LRRC4C: variants seen among roughly 807,000 people sequenced by gnomAD.
LRRC4C encodes the protein leucine-rich repeat-containing protein 4C.
In LRRC4C, 5 loss-of-function variants were observed where a neutral mutation model predicts 33.6. That is an observed-to-expected ratio of 0.15 (90% CI 0.08 to 0.31). LRRC4C has a LOEUF of 0.31. Among genes scored for constraint, LRRC4C ranks in the 10% least tolerant of loss-of-function variants. The pLI, the probability that LRRC4C is intolerant of heterozygous loss-of-function variation, is 1.00. For synonymous variants in LRRC4C, 329 were observed against 302.0 expected, an observed-to-expected ratio of 1.09 and a Z score of -0.93; for missense variants, 560 against 796.7, an observed-to-expected ratio of 0.70 and a Z score of 3.58.
rs1958291772 is a variant in LRRC4C at position 40,578,140 on chromosome 11, GGTTTTTTTTT to G, written c.-270+69992_-270+70001del. Among the ~76,000 whole-genome samples, 21 of 40,574 alleles carry G rather than the reference GGTTTTTTTTT, an allele frequency of 5.2e-4. 3 individuals are homozygous for G. Among genetic ancestry groups the G allele is most frequent in the Admixed American group, 9.6e-4 (3 of 3,122 alleles). 26.6% of individuals were successfully genotyped at this position (40,574 alleles called of 152,430 possible). A position where few individuals can be genotyped will look rare whatever the true frequency, so the allele number is the denominator to read the frequency against. On this transcript the variant is annotated intron_variant, in intron 3 of 6. Coordinates refer to ENST00000528697, the MANE Select transcript of LRRC4C (RefSeq NM_001258419.2). Reference sequence around the variant, plus strand: ...TGATATTATTGGACTTTTTTTTTTCGGTTTTTTTTTTTTTTTTTTTTTTTTTTTTTGCCTC... The same window carrying G: ...TGATATTATTGGACTTTTTTTTTTCGTTTTTTTTTTTTTTTTTTTTGCCTC...
rs1956286238 is a variant in LRRC4C, at chr11:40,531,888, A to C, written c.-270+116254T>G. Among the ~76,000 whole-genome samples the C allele has an allele frequency of 2.0e-5, 3 of 151,356 alleles. No homozygotes were observed. The Admixed American group carries it at 2.0e-4, about 10-fold the overall frequency. On this transcript the variant is annotated intron_variant, in intron 3 of 6. Coordinates refer to ENST00000528697, the MANE Select transcript of LRRC4C (RefSeq NM_001258419.2). The stretch of plus-strand genomic sequence containing the variant: ...GGGCTGAGATCATGAAAGGTCTGGA[A>C]TAACATGGTTAAGCTTTTGATTTTA...
At chr11:41,392,490 C>A (rs1953639514) in intron 1 of LRRC4C, among the ~76,000 whole-genome samples, 1 of 151,170 alleles carries the variant, frequency 6.6e-6, no homozygotes, top group Non-Finnish European at 1.5e-5. Flanking sequence ...TGGTACTTAC[C>A]GAATTTAGGA....
intron 3 of LRRC4C, among the ~76,000 whole-genome samples, chr11:40,366,444 T>G (rs1180641137): frequency 6.6e-6 from 1 of 151,996 alleles, no homozygotes; most frequent in Non-Finnish European, 1.5e-5. Flanking sequence ...GTGGGTTGAA[T>G]ATTGTACTGG....
intron 5 of LRRC4C, among the ~76,000 whole-genome samples, chr11:40,236,525 A>T (rs1415296445): frequency 6.6e-6 from 1 of 152,052 alleles, no homozygotes; most frequent in African/African-American, 2.4e-5. Flanking sequence ...CCTCCTCACC[A>T]CCACCTTCAC....
chr11:40,575,235 C>T (rs998533744), intron 3 of LRRC4C, among the ~76,000 whole-genome samples: 7 of 152,212 alleles, frequency 4.6e-5, no homozygotes, highest in East Asian at 1.9e-4. Flanking sequence ...ATAAAATAAG[C>T]GCACGTCATG....
chr11:40,618,415 G>A (rs1036266598), intron 3 of LRRC4C, among the ~76,000 whole-genome samples: 2 of 151,446 alleles, frequency 1.3e-5, no homozygotes, highest in Admixed American at 1.3e-4. Context: ...ATGAACCAAT[G>A]GCACTGACAC....
At position 40,979,492 on chromosome 11, in the gene LRRC4C, C is replaced by A. The variant is rs115666988; in HGVS notation, c.-495-45769G>T. Among the ~76,000 whole-genome samples the A allele has an allele frequency of 2.4e-3, 358 of 152,288 alleles. 2 individuals are homozygous for A. The highest frequency in any genetic ancestry group is 8.2e-3 in the African/African-American group (342 of 41,556). ...TATTGGAGTCAGTTGGCCTATAACT[C>A]TCATTACCACCATTTCTTTCCCAGT... On this transcript the variant is annotated intron_variant, in intron 1 of 6. Coordinates refer to ENST00000528697, the MANE Select transcript of LRRC4C (RefSeq NM_001258419.2).
intron 1 of LRRC4C, among the ~76,000 whole-genome samples, chr11:41,334,975 A>G (rs1951406340): frequency 6.6e-6 from 1 of 152,146 alleles, no homozygotes; most frequent in South Asian, 2.1e-4. Flanking sequence ...AAATTTTTCA[A>G]TCTAATTCTC....
intron 4 of LRRC4C, among the ~76,000 whole-genome samples, chr11:40,268,169 C>A (rs2136315365): frequency 6.6e-6 from 1 of 152,320 alleles, no homozygotes; most frequent in Middle Eastern, 3.4e-3. Flanking sequence ...TCTCTTAAGC[C>A]TTATCCTACC....
At chr11:40,620,158 C>T (rs960849541) in intron 3 of LRRC4C, among the ~76,000 whole-genome samples, 1 of 151,116 alleles carries the variant, frequency 6.6e-6, no homozygotes, top group African/African-American at 2.4e-5. Flanking sequence ...TCTTCTAATC[C>T]CTGGAATCTG....
At chr11:41,237,129 G>C (rs889770126) in intron 1 of LRRC4C, among the ~76,000 whole-genome samples, 1 of 152,160 alleles carries the variant, frequency 6.6e-6, no homozygotes, top group East Asian at 1.9e-4. Flanking sequence ...ACAGTTTGGA[G>C]TTTACTCAAA....
Position 40,116,008 on chromosome 11 carries a change from G to A in LRRC4C, c.285C>T (p.Ser95=). The A allele has an allele frequency of 6.2e-7, 1 of 1,614,116 alleles. No individual in the cohort carries two copies. The highest frequency in any genetic ancestry group is 8.5e-7 in the Non-Finnish European group (1 of 1,180,022). ...TTTCCAAGTGTCTCAAGTGCTTGAAGCTGTTCACTTTGATGATCTGGATTT... is the reference window on the plus strand; with the variant it reads ...TTTCCAAGTGTCTCAAGTGCTTGAAACTGTTCACTTTGATGATCTGGATTT... ...ENQIQIIKVN[S]FKHLRHLEIL... The change falls in exon 7 of 7, where the codon AGC becomes AGT. Residue 95 remains serine, a synonymous_variant. Transcript: ENST00000528697.
intron 3 of LRRC4C, among the ~76,000 whole-genome samples, chr11:40,373,435 T>C (rs1223423428): frequency 6.6e-6 from 1 of 152,064 alleles, no homozygotes. Flanking sequence ...AAGGAAATAA[T>C]ATGTAGAATA....
intron 4 of LRRC4C, among the ~76,000 whole-genome samples, chr11:40,273,931 C>G (rs1229888813): frequency 6.6e-6 from 1 of 152,038 alleles, no homozygotes; most frequent in Admixed American, 6.6e-5. Context: ...AGGATTTCAA[C>G]CAAGAGTTTA....
At chr11:40,207,763 G>C (rs1390468300) in intron 5 of LRRC4C, among the ~76,000 whole-genome samples, 2 of 152,114 alleles carry the variant, frequency 1.3e-5, no homozygotes, top group African/African-American at 4.8e-5. Context: ...GTCATCTTAG[G>C]TTAATTAATG....
rs76814855 is a variant in LRRC4C, at chr11:40,295,363, T to A, written c.-176+24265A>T. 4.8e-3 allele frequency among the ~76,000 whole-genome samples: 735 copies of A among 152,296 alleles called. 4 individuals are homozygous for A. The highest frequency in any genetic ancestry group is 8.8e-3 in the Non-Finnish European group (599 of 68,024). ...AATAGATTAAATAAATGTTCCTCTG[T>A]TTTGTATGCCCTAAGTGATGATCTT... On this transcript the variant is annotated intron_variant, in intron 4 of 6. Coordinates refer to ENST00000528697, the MANE Select transcript of LRRC4C (RefSeq NM_001258419.2).
intron 3 of LRRC4C, among the ~76,000 whole-genome samples, chr11:40,548,073 G>C (rs928235344): frequency 1.3e-5 from 2 of 152,068 alleles, no homozygotes; most frequent in Admixed American, 1.3e-4. Flanking sequence ...ATCAAAGCGG[G>C]AAAGAAGGAA....
chr11:40,508,929 T>C (rs1006304797), intron 3 of LRRC4C, among the ~76,000 whole-genome samples: 1 of 150,708 alleles, frequency 6.6e-6, no homozygotes, highest in African/African-American at 2.5e-5. Flanking sequence ...ACCTATCAAA[T>C]TGACAAAGCT....
rs56684958 is a variant in LRRC4C at position 40,952,849 on chromosome 11, AACACAC to A, written c.-495-19132_-495-19127del. On this transcript the variant is annotated intron_variant, in intron 1 of 6. Transcript: ENST00000528697. Reference sequence around the variant, plus strand: ...TCACACACACCTCTGTCTATTTCCAAACACACACACACACACACACACACACACACA... The same window carrying A: ...TCACACACACCTCTGTCTATTTCCAAACACACACACACACACACACACACA... 4.8e-3 allele frequency among the ~76,000 whole-genome samples: 538 copies of A among 112,742 alleles called. 6 individuals carry two copies. Among genetic ancestry groups the A allele is most frequent in the East Asian group, 0.021 (80 of 3,800 alleles). The allele number at this position is 112,742 out of a possible 152,430, so 74.0% of individuals were successfully genotyped here.
Sources: gnomAD v4.1 joint callset for allele counts (sites outside exome capture counted in the v4.1 genomes callset) on GRCh38, gnomAD v4.1.1 for gene constraint, MANE v1.5 for transcripts, NCBI Gene and HGNC (gene_info 2026-07-23, HGNC 2026-07-21) for gene names.